The following CTNND2 variants were observed in gnomAD, a reference collection of about 807,000 sequenced individuals.
CTNND2 encodes catenin delta-2.
CTNND2 carries 22 observed loss-of-function variants against 144.4 expected under a neutral mutation model. The ratio of observed to expected loss-of-function variants is 0.15; its 90% CI spans 0.11 to 0.22. The LOEUF (loss-of-function observed/expected upper bound fraction) is 0.22, where lower values mean the gene tolerates loss of function less well. Ranked by LOEUF, CTNND2 falls within the 10% of genes least tolerant of loss-of-function variation. The pLI is 1.00. For missense variants in CTNND2, 1,353 were observed against 1,618.8 expected, an observed-to-expected ratio of 0.84 and a Z score of 2.82; for synonymous variants, 751 against 695.6, an observed-to-expected ratio of 1.08 and a Z score of -1.25.
At chr5:11,780,593 A>G (rs1044645373) in intron 1 of CTNND2, among the ~76,000 whole-genome samples, 2 of 152,140 alleles carry the variant, frequency 1.3e-5, no homozygotes, top group Admixed American at 1.3e-4. Context: ...TCTGAACTAG[A>G]ATGGGATTGA....
At chr5:11,545,651 A>G (rs1410881761) in intron 3 of CTNND2, among the ~76,000 whole-genome samples, 2 of 132,748 alleles carry the variant, frequency 1.5e-5, no homozygotes, top group East Asian at 4.5e-4. Context: ...TGACAGAGCA[A>G]GACTGTGTCT....
At chr5:11,190,784 C>G (rs1411520943) in intron 11 of CTNND2, among the ~76,000 whole-genome samples, 2 of 152,172 alleles carry the variant, frequency 1.3e-5, no homozygotes, top group South Asian at 4.1e-4. Context: ...AAAATATTTT[C>G]TATCTGTCCT....
At chr5:11,782,369 A>G (rs1342681806) in intron 1 of CTNND2, among the ~76,000 whole-genome samples, 1 of 150,728 alleles carries the variant, frequency 6.6e-6, no homozygotes, top group Non-Finnish European at 1.5e-5. Flanking sequence ...GACCTTTTGT[A>G]AACTTACTAC....
At chr5:11,317,860 G>C (rs1370923917) in intron 9 of CTNND2, among the ~76,000 whole-genome samples, 1 of 152,174 alleles carries the variant, frequency 6.6e-6, no homozygotes, top group Non-Finnish European at 1.5e-5. Flanking sequence ...GATGCCCAGA[G>C]CTTCCATCAG....
intron 3 of CTNND2, among the ~76,000 whole-genome samples, chr5:11,439,006 A>T (rs1030693751): frequency 1.7e-4 from 26 of 152,028 alleles, no homozygotes; most frequent in Admixed American, 8.5e-4. Flanking sequence ...TAGTTTTGAG[A>T]TGTAAACTAC....
intron 14 of CTNND2, 70 bp downstream of exon 14, chr5:11,110,788 T>G: frequency 2.8e-6 from 4 of 1,416,286 alleles, no homozygotes; most frequent in Non-Finnish European, 3.9e-6. Flanking sequence ...ATTCTCTATA[T>G]ATTGAGGATA....
intron 1 of CTNND2, among the ~76,000 whole-genome samples, chr5:11,790,653 T>G (rs1159320794): frequency 2.6e-5 from 4 of 152,248 alleles, no homozygotes; most frequent in Non-Finnish European, 5.9e-5. Context: ...TCTCTGCATG[T>G]TGAGTGATGC....
At chr5:11,785,073 C>T (rs1429107426) in intron 1 of CTNND2, among the ~76,000 whole-genome samples, 1 of 152,186 alleles carries the variant, frequency 6.6e-6, no homozygotes, top group African/African-American at 2.4e-5. Flanking sequence ...TAAGTGCATA[C>T]AATGTAAAAA....
chr5:11,769,368 A>C (rs1451454324), intron 1 of CTNND2, among the ~76,000 whole-genome samples: 1 of 152,218 alleles, frequency 6.6e-6, no homozygotes, highest in African/African-American at 2.4e-5. Context: ...AACTACAATA[A>C]GAGCATATCA....
intron 3 of CTNND2, among the ~76,000 whole-genome samples, chr5:11,453,990 T>C (rs1273703917): frequency 6.6e-6 from 1 of 152,222 alleles, no homozygotes; most frequent in Non-Finnish European, 1.5e-5. Flanking sequence ...TAACACTTTA[T>C]AGGATTTCAC....
chr5:11,396,967 T>C (rs1760195962), intron 6 of CTNND2, 64 bp downstream of exon 6: 3 of 1,490,318 alleles, frequency 2.0e-6, no homozygotes, highest in Non-Finnish European at 2.7e-6. Flanking sequence ...CCACATCCAC[T>C]GCATGCCCAT....
chr5:11,612,642 A>G (rs1359138496), intron 2 of CTNND2, among the ~76,000 whole-genome samples: 2 of 152,192 alleles, frequency 1.3e-5, no homozygotes, highest in Admixed American at 6.5e-5. Flanking sequence ...GCTCATGCCT[A>G]TAATTCCAGC....
intron 7 of CTNND2, among the ~76,000 whole-genome samples, chr5:11,380,730 G>T (rs1262013711): frequency 6.6e-6 from 1 of 152,140 alleles, no homozygotes; most frequent in African/African-American, 2.4e-5. Context: ...ATTTTCTAAG[G>T]TTTGTCTATC....
intron 5 of CTNND2, among the ~76,000 whole-genome samples, chr5:11,402,425 G>T (rs954970557): frequency 6.6e-6 from 1 of 152,200 alleles, no homozygotes; most frequent in African/African-American, 2.4e-5. Flanking sequence ...GATTTAAATA[G>T]ATTCAAAGCA....
At position 11,199,668 on chromosome 5, in the gene CTNND2, G is replaced by A; in HGVS notation, c.1762-7C>T. On this transcript the variant is annotated splice_polypyrimidine_tract_variant and splice_region_variant and intron_variant, in intron 10 of 21. Coordinates refer to ENST00000304623, the MANE Select transcript of CTNND2 (RefSeq NM_001332.4). ...TGCCTCCTTGTCTCCTTATCTGAAAGAGCAAAGGACACCACTTTTGCTTTA... is the reference window on the plus strand; with the variant it reads ...TGCCTCCTTGTCTCCTTATCTGAAAAAGCAAAGGACACCACTTTTGCTTTA... 3 of 1,611,948 alleles carry A rather than the reference G, an allele frequency of 1.9e-6. No individual in the cohort carries two copies. The highest frequency in any genetic ancestry group is 2.5e-6 in the Non-Finnish European group (3 of 1,178,558).
At chr5:11,755,639 TTC>T (rs1163168996) in intron 1 of CTNND2, among the ~76,000 whole-genome samples, 4 of 25,082 alleles carry the variant, frequency 1.6e-4, no homozygotes, top group Admixed American at 6.5e-4. Context: ...TTGTTCATTC[TTC>T]TTTTTTTTTT....
intron 1 of CTNND2, among the ~76,000 whole-genome samples, chr5:11,859,390 G>A (rs1178153460): frequency 6.6e-6 from 1 of 152,132 alleles, no homozygotes; most frequent in Non-Finnish European, 1.5e-5. Context: ...AAATGACAAC[G>A]AAAATAGAAA....
chr5:11,187,561 G>A (rs1031419690), intron 11 of CTNND2, among the ~76,000 whole-genome samples: 15 of 152,056 alleles, frequency 9.9e-5, no homozygotes, highest in African/African-American at 3.6e-4. Flanking sequence ...ATTTCATGAC[G>A]AATACATCAA....
At chr5:11,308,631 TTTTGG>T (rs1750496372) in intron 9 of CTNND2, among the ~76,000 whole-genome samples, 1 of 152,224 alleles carries the variant, frequency 6.6e-6, no homozygotes, top group Non-Finnish European at 1.5e-5. Flanking sequence ...TTTAAATGTG[TTTTGG>T]TTTGATTTTT....
Sources: gnomAD v4.1 joint callset for allele counts (sites outside exome capture counted in the v4.1 genomes callset) on GRCh38, gnomAD v4.1.1 for gene constraint, MANE v1.5 for transcripts, NCBI Gene and HGNC (gene_info 2026-07-23, HGNC 2026-07-21) for gene names.